The following WDR5 variants were observed in gnomAD, a reference collection of about 807,000 sequenced individuals.
WDR5 encodes the protein WD repeat domain 5.
For synonymous variants in WDR5, 144 were observed against 161.6 expected (o/e 0.89, Z 0.83); for missense variants, 187 against 416.9 (o/e 0.45, Z 4.80).
Position 134,154,769 on chromosome 9 carries a change from G to A in WDR5, c.707+228G>A, listed in dbSNP as rs137875461. Among the ~76,000 whole-genome samples the A allele has an allele frequency of 3.4e-3, 525 of 152,314 alleles. 1 individual carries two copies. The highest frequency in any genetic ancestry group is 0.012 in the African/African-American group (479 of 41,576). On this transcript the variant is annotated intron_variant, in intron 10 of 13. Transcript: ENST00000358625. ...CCGACTATAGGAGGATTTAGGGTCC[G>A]TTTTCTGGTTGAGCAACTGTGGCCA...
At chr9:134,135,709 G>A (rs1281869936), upstream of WDR5, 1 of 152,164 alleles carries the variant, frequency 6.6e-6, no homozygotes, top group Non-Finnish European at 1.5e-5. Flanking sequence ...GGTCGCCCGG[G>A]GAGGTGCCCC....
At position 134,158,034 on chromosome 9, in the gene WDR5, A is replaced by T. The variant is rs777440706; in HGVS notation, c.*41A>T. 2 of 1,593,742 alleles carry T rather than the reference A, an allele frequency of 1.3e-6. No homozygotes were observed. The highest frequency in any genetic ancestry group is 1.7e-6 in the Non-Finnish European group (2 of 1,162,216). ...CCCGCGAGAGACTGTCGGGAAGTTG[A>T]CCCGGATTGGCAAGAAACAGGGTGT... On this transcript the variant is annotated 3_prime_UTR_variant, in exon 14 of 14. Transcript: ENST00000358625.
chr9:134,157,159 G>T lies in WDR5; in HGVS notation c.904+566G>T, dbSNP rs1470766658. ...TCTCATGGAGCCAACGAGAGCAGGG[G>T]GTTCGAGCCCTTGTGGAAATCTGGG... On this transcript the variant is annotated intron_variant, in intron 13 of 13. Coordinates refer to ENST00000358625, the MANE Select transcript of WDR5 (RefSeq NM_017588.3). The surrounding 1 kb of genome is among the most constrained non-coding windows in gnomAD (Gnocchi z 5.0). Among the ~76,000 whole-genome samples, 1 of 152,152 alleles carries T rather than the reference G, an allele frequency of 6.6e-6. No homozygotes were observed. Among genetic ancestry groups the T allele is most frequent in the Non-Finnish European group, 1.5e-5 (1 of 68,018 alleles).
rs539958079 is a variant in WDR5, at chr9:134,158,285, G to T, written c.*292G>T. The T allele has an allele frequency of 7.1e-4, 180 of 251,758 alleles. No homozygotes were observed. The highest frequency in any genetic ancestry group is 3.9e-3 in the African/African-American group (175 of 44,722). The allele number at this position is 251,758 out of a possible 1,614,324, so 15.6% of individuals were successfully genotyped here. ...GTTTTTAATTTTTTATTACAGAAGG[G>T]TGAAGTTCAATTTAACATGCGTTGT... On this transcript the variant is annotated 3_prime_UTR_variant, in exon 14 of 14. Transcript: ENST00000358625.
At chr9:134,156,691 C>G (rs1008841141) in intron 13 of WDR5, 98 bp downstream of exon 13, 2 of 1,192,818 alleles carry the variant, frequency 1.7e-6, no homozygotes, top group Non-Finnish European at 2.4e-6. Context: ...CGTCGTCTTC[C>G]CCTTCCCACC....
At chr9:134,152,188 C>G (rs1832530051) in intron 9 of WDR5, among the ~76,000 whole-genome samples, 159 bp downstream of exon 9, 1 of 152,258 alleles carries the variant, frequency 6.6e-6, no homozygotes, top group African/African-American at 2.4e-5. Context: ...CCAGCTCCCC[C>G]TGACCGCCCG....
At chr9:134,135,411 C>T (rs142793680), upstream of WDR5, 1,355 of 152,310 alleles carry the variant, frequency 8.9e-3, 12 homozygotes, top group Non-Finnish European at 0.014. Flanking sequence ...CCAGAGCGGC[C>T]CTGCCAGTCC....
rs202088090 is a variant in WDR5 at position 134,141,602 on chromosome 9, C to G, written c.264+19C>G. The G allele has an allele frequency of 6.2e-7, 1 of 1,613,662 alleles. No individual in the cohort carries two copies. Among genetic ancestry groups the G allele is most frequent in the African/African-American group, 1.3e-5 (1 of 75,044 alleles). On this transcript the variant is annotated intron_variant, in intron 4 of 13. Transcript: ENST00000358625. Reference sequence around the variant, plus strand: ...CAAGCTGGTAGGTTTCAGCCCTGTGCGGTGAAGTTGACTGTTGAACAGGGT... The same window carrying G: ...CAAGCTGGTAGGTTTCAGCCCTGTGGGGTGAAGTTGACTGTTGAACAGGGT...
chr9:134,152,106 C>G, intron 9 of WDR5, 77 bp downstream of exon 9: 1 of 1,521,716 alleles, frequency 6.6e-7, no homozygotes, highest in Non-Finnish European at 9.0e-7. Flanking sequence ...TGTTCTTCAC[C>G]AGCTCCTCCT....
chr9:134,138,903 G>T (rs1013509382), intron 1 of WDR5, among the ~76,000 whole-genome samples: 5 of 152,128 alleles, frequency 3.3e-5, no homozygotes, highest in Non-Finnish European at 7.4e-5. Context: ...ATGTCTCAGT[G>T]GCTTTCCCTT....
chr9:134,145,378 C>T (rs186046135), intron 7 of WDR5, among the ~76,000 whole-genome samples: 97 of 152,284 alleles, frequency 6.4e-4, no homozygotes, highest in Non-Finnish European at 1.3e-3. Context: ...GGATTACAGG[C>T]GTGAGCCGCT....
intron 7 of WDR5, among the ~76,000 whole-genome samples, chr9:134,145,846 G>A (rs1323871448): frequency 6.6e-6 from 1 of 152,012 alleles, no homozygotes; most frequent in Non-Finnish European, 1.5e-5. Flanking sequence ...TGCCCAAGTC[G>A]ACTCCGCAGA....
chr9:134,143,340 A>T (rs561621438), intron 7 of WDR5, among the ~76,000 whole-genome samples: 104 of 152,302 alleles, frequency 6.8e-4, no homozygotes, highest in African/African-American at 2.5e-3. Context: ...CAGAAGTTTG[A>T]GACCAGCCTG....
Position 134,157,163 on chromosome 9 carries a change from C to T in WDR5, c.904+570C>T, listed in dbSNP as rs28579703. The stretch of plus-strand genomic sequence containing the variant: ...ATGGAGCCAACGAGAGCAGGGGGTT[C>T]GAGCCCTTGTGGAAATCTGGGGAGG... On this transcript the variant is annotated intron_variant, in intron 13 of 13. Transcript: ENST00000358625. The surrounding 1 kb of genome is among the most constrained non-coding windows in gnomAD (Gnocchi z 5.0). 0.05 allele frequency among the ~76,000 whole-genome samples: 7,649 copies of T among 152,220 alleles called. 443 individuals are homozygous for T. The highest frequency in any genetic ancestry group is 0.14 in the African/African-American group (5,826 of 41,520).
At chr9:134,145,092 C>CTTTTTTTTTTT (rs1564191284) in intron 7 of WDR5, among the ~76,000 whole-genome samples, 1 of 56,840 alleles carries the variant, frequency 1.8e-5, no homozygotes, top group African/African-American at 5.5e-5. Context: ...GTTTGTGGGG[C>CTTTTTTTTTTT]TTTGTTTTTT....
intron 1 of WDR5, among the ~76,000 whole-genome samples, chr9:134,138,169 C>T (rs1831674772): frequency 6.6e-6 from 1 of 152,224 alleles, no homozygotes; most frequent in Admixed American, 6.5e-5. Flanking sequence ...TTTTGTAAGA[C>T]CGCCTATCTG....
Position 134,136,164 on chromosome 9 carries a change from G to T in WDR5, c.-95G>T, listed in dbSNP as rs1397048034. Reference sequence around the variant, plus strand: ...CCGCCCAGGCGGCGGCCGACGCGACGCCCCGAGCGCCCGGCCCCGCCGCCG... The same window carrying T: ...CCGCCCAGGCGGCGGCCGACGCGACTCCCCGAGCGCCCGGCCCCGCCGCCG... On this transcript the variant is annotated 5_prime_UTR_variant, in exon 1 of 14. Transcript: ENST00000358625. 3.4e-5 allele frequency: 5 copies of T among 147,514 alleles called. No homozygotes were observed. The highest frequency in any genetic ancestry group is 7.5e-5 in the Non-Finnish European group (5 of 66,262). The allele number at this position is 147,514 out of a possible 1,614,324, so 9.1% of individuals were successfully genotyped here. A position where few individuals can be genotyped will look rare whatever the true frequency, so the allele number is the denominator to read the frequency against.
intron 7 of WDR5, 68 bp downstream of exon 7, chr9:134,142,787 C>A: frequency 6.6e-7 from 1 of 1,525,244 alleles, no homozygotes; most frequent in Non-Finnish European, 9.1e-7. Context: ...ATGTGGCCAG[C>A]TGTCTCCCTG....
At chr9:134,146,008 A>G (rs1300807002) in intron 7 of WDR5, among the ~76,000 whole-genome samples, 1 of 149,834 alleles carries the variant, frequency 6.7e-6, no homozygotes, top group Admixed American at 6.7e-5. Context: ...TTTGTTGCCC[A>G]GGCTGGAGTG....
Sources: gnomAD v4.1 joint callset for allele counts (sites outside exome capture counted in the v4.1 genomes callset) on GRCh38, gnomAD v4.1.1 for gene constraint, Gnocchi (gnomAD v3.1) non-coding constraint, MANE v1.5 for transcripts, NCBI Gene and HGNC (gene_info 2026-07-23, HGNC 2026-07-21) for gene names.